Variants in PLCL1 observed in about 807,000 individuals in gnomAD.
PLCL1 encodes the protein phospholipase C like 1 (inactive).
In PLCL1, 41 loss-of-function variants were observed where a neutral mutation model predicts 84.4. The ratio of observed to expected loss-of-function variants is 0.49; its 90% CI spans 0.38 to 0.63. The LOEUF is 0.63. Among genes scored for constraint, PLCL1 ranks in the 30% least tolerant of loss-of-function variants. The probability of loss-of-function intolerance (pLI) is 0.00; values close to 1 mark genes in which losing one functional copy is unlikely to be tolerated. For missense variants in PLCL1, 1,206 were observed against 1,367.8 expected, an observed-to-expected ratio of 0.88 and a Z score of 1.87; for synonymous variants, 490 against 488.3, an observed-to-expected ratio of 1.00 and a Z score of -0.05.
chr2:198,045,985 T>C (rs899168473), intron 1 of PLCL1, among the ~76,000 whole-genome samples: 1 of 152,180 alleles, frequency 6.6e-6, no homozygotes, highest in East Asian at 1.9e-4. Flanking sequence ...CTTGTTGAGT[T>C]TGAATAAAAA....
chr2:198,007,681 T>C (rs1690761672), intron 1 of PLCL1, among the ~76,000 whole-genome samples: 1 of 152,156 alleles, frequency 6.6e-6, no homozygotes, highest in African/African-American at 2.4e-5. Flanking sequence ...ATAAACCCTC[T>C]TCAAAAAACA....
At chr2:197,856,506 C>A (rs1329806090) in intron 1 of PLCL1, among the ~76,000 whole-genome samples, 1 of 152,080 alleles carries the variant, frequency 6.6e-6, no homozygotes, top group Non-Finnish European at 1.5e-5. Flanking sequence ...AAGCATTTAT[C>A]TTTAACAGAA....
intron 1 of PLCL1, among the ~76,000 whole-genome samples, chr2:197,947,898 G>C (rs1024948252): frequency 1.3e-5 from 2 of 152,154 alleles, no homozygotes; most frequent in African/African-American, 4.8e-5. Context: ...GCAGCCATGG[G>C]AAGTTAAGAT....
chr2:198,027,329 A>G (rs1024992002), intron 1 of PLCL1, among the ~76,000 whole-genome samples: 3 of 152,132 alleles, frequency 2.0e-5, no homozygotes, highest in Non-Finnish European at 4.4e-5. Context: ...AAAGACTAGA[A>G]TGGTGGTGGC....
intron 1 of PLCL1, among the ~76,000 whole-genome samples, chr2:197,864,203 TC>T (rs374301160): frequency 3.5e-4 from 54 of 152,252 alleles, no homozygotes; most frequent in African/African-American, 1.3e-3. Context: ...CAATGAGAAG[TC>T]TTCTACTGTC....
chr2:197,895,203 C>T (rs2105730117), intron 1 of PLCL1, among the ~76,000 whole-genome samples: 1 of 151,990 alleles, frequency 6.6e-6, no homozygotes, highest in South Asian at 2.1e-4. Context: ...AATAAAAGTG[C>T]TCCCTCAAAA....
rs137956013 is a variant in PLCL1, at chr2:197,835,204, G to A, written c.240+29865G>A. Reference sequence around the variant, plus strand: ...GAGAAATACCTAATGTAGATGACGGGTTGATGGGTGCTGCAAACCACCATG... The same window carrying A: ...GAGAAATACCTAATGTAGATGACGGATTGATGGGTGCTGCAAACCACCATG... On this transcript the variant is annotated intron_variant, in intron 1 of 5. Transcript: ENST00000428675. 8.9e-3 allele frequency among the ~76,000 whole-genome samples: 1,356 copies of A among 152,248 alleles called. 24 individuals are homozygous for A. The highest frequency in any genetic ancestry group is 0.031 in the African/African-American group (1,288 of 41,526).
chr2:198,143,061 G>C (rs772368679), intron 5 of PLCL1, among the ~76,000 whole-genome samples: 3 of 151,972 alleles, frequency 2.0e-5, no homozygotes, highest in Non-Finnish European at 4.4e-5. Flanking sequence ...TCTGTTTAGG[G>C]AGAATAAGAT....
chr2:197,930,131 A>G (rs751354241), intron 1 of PLCL1, among the ~76,000 whole-genome samples: 4 of 152,190 alleles, frequency 2.6e-5, no homozygotes, highest in Admixed American at 1.3e-4. Flanking sequence ...TTAACAACCT[A>G]AAAGTAACTT....
At chr2:197,851,556 G>A (rs960403515) in intron 1 of PLCL1, among the ~76,000 whole-genome samples, 1 of 152,232 alleles carries the variant, frequency 6.6e-6, no homozygotes, top group Non-Finnish European at 1.5e-5. Flanking sequence ...GCTATAAGAA[G>A]AAAGACTTTC....
intron 1 of PLCL1, among the ~76,000 whole-genome samples, chr2:197,867,252 T>C (rs1300526996): frequency 6.6e-6 from 1 of 152,184 alleles, no homozygotes; most frequent in Non-Finnish European, 1.5e-5. Flanking sequence ...CTCATTTTAT[T>C]CTTTCTCCCT....
intron 1 of PLCL1, among the ~76,000 whole-genome samples, chr2:197,851,644 A>G (rs1377950621): frequency 6.6e-6 from 1 of 152,250 alleles, no homozygotes; most frequent in Non-Finnish European, 1.5e-5. Flanking sequence ...GAAAAGCAGT[A>G]GAGACAGTGG....
At chr2:197,892,289 C>T (rs972272849) in intron 1 of PLCL1, among the ~76,000 whole-genome samples, 1 of 152,164 alleles carries the variant, frequency 6.6e-6, no homozygotes, top group Admixed American at 6.5e-5. Flanking sequence ...AACGTGAGAA[C>T]TCCAAAGGAA....
chr2:198,020,389 ATTAACC>A (rs1691104018), intron 1 of PLCL1, among the ~76,000 whole-genome samples: 2 of 152,198 alleles, frequency 1.3e-5, no homozygotes, highest in Non-Finnish European at 2.9e-5. Flanking sequence ...ACATAACAAT[ATTAACC>A]TTAAATGTAA....
chr2:197,868,376 T>C (rs1177423778), intron 1 of PLCL1, among the ~76,000 whole-genome samples: 3 of 152,322 alleles, frequency 2.0e-5, no homozygotes, highest in East Asian at 3.9e-4. Context: ...GGAAGCTGAA[T>C]TGGCTCGTGA....
intron 1 of PLCL1, among the ~76,000 whole-genome samples, chr2:198,022,227 A>C (rs1227683707): frequency 6.6e-6 from 1 of 152,232 alleles, no homozygotes; most frequent in Non-Finnish European, 1.5e-5. Flanking sequence ...TATTTGTGGA[A>C]CATATCTCAA....
In PLCL1 at chr2:198,009,046, A is replaced by AT. The variant is rs202156690; in HGVS notation, c.241-74705dup. ...AAGTTCTTTGCCTATTTTAGAATCA[A>AT]TTTTTTTGTTGTTGTTAAAGTTTCT... On this transcript the variant is annotated intron_variant, in intron 1 of 5. Transcript: ENST00000428675. Among the ~76,000 whole-genome samples, 1,252 of 151,640 alleles carry AT rather than the reference A, an allele frequency of 8.3e-3. 9 individuals are homozygous for AT. Among genetic ancestry groups the AT allele is most frequent in the Non-Finnish European group, 0.013 (886 of 67,676 alleles).
intron 1 of PLCL1, among the ~76,000 whole-genome samples, chr2:198,073,780 T>G (rs565147669): frequency 6.6e-5 from 10 of 152,306 alleles, no homozygotes; most frequent in African/African-American, 2.4e-4. Flanking sequence ...TTAATACAAA[T>G]GCAAGAAGGA....
At chr2:197,967,985 G>C (rs1689781110) in intron 1 of PLCL1, among the ~76,000 whole-genome samples, 1 of 152,102 alleles carries the variant, frequency 6.6e-6, no homozygotes, top group African/African-American at 2.4e-5. Flanking sequence ...GCTTCCCCCT[G>C]GTGATGTGTG....
Sources: allele counts gnomAD v4.1 joint callset (sites outside exome capture counted in the v4.1 genomes callset), GRCh38; gene constraint gnomAD v4.1.1; transcripts MANE v1.5; gene names NCBI Gene and HGNC (gene_info 2026-07-23, HGNC 2026-07-21).